Variants in RIPPLY3 observed in about 807,000 individuals in gnomAD.
RIPPLY3 encodes the protein ripply transcriptional repressor 3.
RIPPLY3 carries 8 observed loss-of-function variants against 11.9 expected under a neutral mutation model. The observed-to-expected ratio is 0.67, with a 90% confidence interval of 0.40 to 1.21. The LOEUF (loss-of-function observed/expected upper bound fraction) is 1.21, where lower values mean the gene tolerates loss of function less well. RIPPLY3 is among the 50% of genes most tolerant of loss of function. The pLI, the probability that RIPPLY3 is intolerant of heterozygous loss-of-function variation, is 0.01. For synonymous variants in RIPPLY3, 102 were observed against 99.0 expected (o/e 1.03, Z -0.18); for missense variants, 271 against 246.0 (o/e 1.10, Z -0.68).
chr21:37,012,585 T>A (rs77378331), intron 2 of RIPPLY3, among the ~76,000 whole-genome samples: 1,530 of 152,128 alleles, frequency 0.01, 27 homozygotes, highest in African/African-American at 0.035. Context: ...TACCATCAAT[T>A]TTCAAGACTG....
At chr21:37,016,422 C>A (rs1569287545) in intron 3 of RIPPLY3, among the ~76,000 whole-genome samples, 2 of 152,116 alleles carry the variant, frequency 1.3e-5, no homozygotes, top group African/African-American at 4.8e-5. Flanking sequence ...TTCTCTCTCC[C>A]TTTTCTCTTC....
chr21:37,018,290 C>G lies in RIPPLY3; in HGVS notation c.*83C>G, dbSNP rs377536669. On this transcript the variant is annotated 3_prime_UTR_variant, in exon 4 of 4. Transcript: ENST00000329553. ...ACACCCGAGCCAGGACACTACGCATCCCTGCTGAGTGTGCAGAGGCTAGAG... is the reference window on the plus strand; with the variant it reads ...ACACCCGAGCCAGGACACTACGCATGCCTGCTGAGTGTGCAGAGGCTAGAG... 537 of 1,178,688 alleles carry G rather than the reference C, an allele frequency of 4.6e-4. No homozygotes were observed. In the African/African-American group the frequency reaches 5.3e-3, roughly 12 times the overall value. 73.0% of individuals were successfully genotyped at this position (1,178,688 alleles called of 1,614,324 possible). A position where few individuals can be genotyped will look rare whatever the true frequency, so the allele number is the denominator to read the frequency against.
At position 37,019,614 on chromosome 21, in the gene RIPPLY3, A is replaced by G. The variant is rs2069620329; in HGVS notation, c.*1407A>G. 6.6e-6 allele frequency: 1 copy of G among 152,164 alleles called. No homozygotes were observed. Among genetic ancestry groups the G allele is most frequent in the Admixed American group, 6.5e-5 (1 of 15,268 alleles). 9.4% of individuals were successfully genotyped at this position (152,164 alleles called of 1,614,324 possible). A position where few individuals can be genotyped will look rare whatever the true frequency, so the allele number is the denominator to read the frequency against. On this transcript the variant is annotated 3_prime_UTR_variant, in exon 4 of 4. Transcript: ENST00000329553. ...TATCTTACATGTGGTGTCTTCCTGT[A>G]TATAGTACATTATATCAATTTCTAC...
At chr21:37,007,067 G>T (rs866102717) in intron 1 of RIPPLY3, among the ~76,000 whole-genome samples, 191 bp downstream of exon 1, 1 of 152,258 alleles carries the variant, frequency 6.6e-6, no homozygotes, top group South Asian at 2.1e-4. Flanking sequence ...TCAGTTCTCC[G>T]GTTCCAACGC....
intron 2 of RIPPLY3, among the ~76,000 whole-genome samples, chr21:37,008,953 A>G (rs942923876): frequency 5.3e-5 from 8 of 152,120 alleles, no homozygotes; most frequent in African/African-American, 1.9e-4. Flanking sequence ...ACTGAGCCCC[A>G]TCTGAGGTGC....
At position 37,018,329 on chromosome 21, in the gene RIPPLY3, C is replaced by A. The variant is rs1314784630; in HGVS notation, c.*122C>A. The A allele has an allele frequency of 1.3e-6, 1 of 784,704 alleles. No homozygotes were observed. Among genetic ancestry groups the A allele is most frequent in the Middle Eastern group, 2.4e-4 (1 of 4,218 alleles). The allele number at this position is 784,704 out of a possible 1,614,324, so 48.6% of individuals were successfully genotyped here. A position where few individuals can be genotyped will look rare whatever the true frequency, so the allele number is the denominator to read the frequency against. ...CAGAGGCTAGAGGCTTCTCGGGCAG[C>A]CCCTGGCCTGCACACTACTCATGAC... On this transcript the variant is annotated 3_prime_UTR_variant, in exon 4 of 4. Coordinates refer to ENST00000329553, the MANE Select transcript of RIPPLY3 (RefSeq NM_018962.3).
intron 3 of RIPPLY3, among the ~76,000 whole-genome samples, chr21:37,017,626 G>C (rs1217783162): frequency 6.6e-6 from 1 of 152,146 alleles, no homozygotes; most frequent in Admixed American, 6.5e-5. Context: ...TCTTCCTTGC[G>C]ACTGTCTGAA....
At chr21:37,007,980 G>GA (rs917489788) in intron 1 of RIPPLY3, among the ~76,000 whole-genome samples, 177 bp from the exon 2 acceptor site, 6 of 152,178 alleles carry the variant, frequency 3.9e-5, no homozygotes, top group Admixed American at 6.5e-5. Context: ...TAGCAGGAGA[G>GA]AAAAAACACA....
At chr21:37,010,992 A>ATTT (rs34506897) in intron 2 of RIPPLY3, among the ~76,000 whole-genome samples, 6 of 148,616 alleles carry the variant, frequency 4.0e-5, no homozygotes, top group African/African-American at 1.2e-4. Flanking sequence ...TATTTATGGC[A>ATTT]TTTTTTTTTT....
Position 37,018,297 on chromosome 21 carries a change from G to A in RIPPLY3, c.*90G>A. The stretch of plus-strand genomic sequence containing the variant: ...AGCCAGGACACTACGCATCCCTGCT[G>A]AGTGTGCAGAGGCTAGAGGCTTCTC... On this transcript the variant is annotated 3_prime_UTR_variant, in exon 4 of 4. Coordinates refer to ENST00000329553, the MANE Select transcript of RIPPLY3 (RefSeq NM_018962.3). The A allele has an allele frequency of 9.2e-7, 1 of 1,092,896 alleles. No homozygotes were observed. The highest frequency in any genetic ancestry group is 1.3e-5 in the South Asian group (1 of 75,804). 67.7% of individuals were successfully genotyped at this position (1,092,896 alleles called of 1,614,324 possible).
In RIPPLY3 at chr21:37,018,562, C is replaced by G; in HGVS notation, c.*355C>G. ...AGATAGTCGCCCACTCCACCTCCTA[C>G]TTAACCTGAGACTCATTATTTAGCT... On this transcript the variant is annotated 3_prime_UTR_variant, in exon 4 of 4. Coordinates refer to ENST00000329553, the MANE Select transcript of RIPPLY3 (RefSeq NM_018962.3). The G allele has an allele frequency of 4.2e-6, 1 of 240,910 alleles. No individual in the cohort carries two copies. The highest frequency in any genetic ancestry group is 8.0e-6 in the Non-Finnish European group (1 of 125,510). 14.9% of individuals were successfully genotyped at this position (240,910 alleles called of 1,614,324 possible).
Position 37,017,625 on chromosome 21 carries a change from C to T in RIPPLY3, c.240-249C>T, listed in dbSNP as rs556719541. Among the ~76,000 whole-genome samples the T allele has an allele frequency of 4.1e-4, 62 of 152,290 alleles. 2 individuals carry two copies. The highest frequency in any genetic ancestry group is 3.2e-3 in the Admixed American group (49 of 15,304). On this transcript the variant is annotated intron_variant, in intron 3 of 3. Transcript: ENST00000329553. ...TCCTTGAAGCACACCCTCTTCCTTG[C>T]GACTGTCTGAATTGACTGGCTCAGT... is the stretch of plus-strand genomic sequence containing the variant.
chr21:37,008,768 A>AC (rs1569285490), intron 2 of RIPPLY3, among the ~76,000 whole-genome samples: 1 of 146,670 alleles, frequency 6.8e-6, no homozygotes, highest in South Asian at 2.1e-4. Context: ...AAAAAAAAAA[A>AC]AAAAAAAAAA....
chr21:37,007,844 C>G (rs1003816106), intron 1 of RIPPLY3, among the ~76,000 whole-genome samples: 1 of 152,188 alleles, frequency 6.6e-6, no homozygotes, highest in African/African-American at 2.4e-5. Context: ...TGGGGAACCC[C>G]GAATTGAACA....
At chr21:37,014,514 CTCTCTG>C (rs376166576) in intron 3 of RIPPLY3, among the ~76,000 whole-genome samples, 392 of 152,200 alleles carry the variant, frequency 2.6e-3, no homozygotes, top group African/African-American at 9.0e-3. Flanking sequence ...TTCTGCCTGT[CTCTCTG>C]TCTCTGTCTC....
intron 1 of RIPPLY3, among the ~76,000 whole-genome samples, chr21:37,007,770 A>G (rs143281529): frequency 2.0e-5 from 3 of 152,196 alleles, no homozygotes; most frequent in African/African-American, 4.8e-5. Context: ...TGTAGAATCA[A>G]TCTCCTTCCG....
intron 3 of RIPPLY3, 115 bp from the exon 4 acceptor site, chr21:37,017,759 A>G: frequency 1.2e-6 from 1 of 841,084 alleles, no homozygotes; most frequent in Non-Finnish European, 1.8e-6. Flanking sequence ...TTGTGAAGGC[A>G]AAGACCAGAA....
In RIPPLY3 at chr21:37,018,496, T is replaced by G. The variant is rs1473515914; in HGVS notation, c.*289T>G. 30 of 398,332 alleles carry G rather than the reference T, an allele frequency of 7.5e-5. No individual in the cohort carries two copies. Among genetic ancestry groups the G allele is most frequent in the Non-Finnish European group, 3.2e-5 (7 of 219,714 alleles). The allele number at this position is 398,332 out of a possible 1,614,324, so 24.7% of individuals were successfully genotyped here. A position where few individuals can be genotyped will look rare whatever the true frequency, so the allele number is the denominator to read the frequency against. ...TCATAGAGCCAGTTTTCAAAGCTCC[T>G]TCTGCATTGTCACTCACTGATCAGG... On this transcript the variant is annotated 3_prime_UTR_variant, in exon 4 of 4. Coordinates refer to ENST00000329553, the MANE Select transcript of RIPPLY3 (RefSeq NM_018962.3).
chr21:37,017,459 C>A (rs754994210), intron 3 of RIPPLY3, among the ~76,000 whole-genome samples: 14 of 152,076 alleles, frequency 9.2e-5, no homozygotes, highest in Non-Finnish European at 1.8e-4. Context: ...ATTTCCCATG[C>A]TGCAGGGGAC....
Sources: allele counts gnomAD v4.1 joint callset (sites outside exome capture counted in the v4.1 genomes callset), GRCh38; gene constraint gnomAD v4.1.1; transcripts MANE v1.5; gene names NCBI Gene and HGNC (gene_info 2026-07-23, HGNC 2026-07-21).